EML4: variants seen among roughly 807,000 people sequenced by gnomAD.
EML4 encodes echinoderm microtubule-associated protein-like 4.
EML4 carries 72 observed loss-of-function variants against 129.0 expected under a neutral mutation model. The observed-to-expected ratio is 0.56, with a 90% CI of 0.46 to 0.68. The LOEUF (loss-of-function observed/expected upper bound fraction) is 0.68. EML4 is among the 30% of genes least tolerant of loss of function. The pLI, the probability that EML4 is intolerant of heterozygous loss-of-function variation, is 0.00. For synonymous variants in EML4, 532 were observed against 405.0 expected, an observed-to-expected ratio of 1.31 and a Z score of -3.77; for missense variants, 1,363 against 1,190.6, an observed-to-expected ratio of 1.14 and a Z score of -2.13.
At chr2:42,234,621 CACACTTGT>C (rs1420635602) in intron 1 of EML4, among the ~76,000 whole-genome samples, 1 of 152,212 alleles carries the variant, frequency 6.6e-6, no homozygotes, top group African/African-American at 2.4e-5. Flanking sequence ...CATTTGCCTA[CACACTTGT>C]ATAAAGTACT....
chr2:42,196,160 T>C (rs914038846), intron 1 of EML4, among the ~76,000 whole-genome samples: 1 of 152,216 alleles, frequency 6.6e-6, no homozygotes, highest in Non-Finnish European at 1.5e-5. Flanking sequence ...CTCTGAACCC[T>C]AGCGTTCATT....
intron 1 of EML4, among the ~76,000 whole-genome samples, chr2:42,202,010 G>A (rs1351727047): frequency 6.6e-6 from 1 of 152,060 alleles, no homozygotes; most frequent in Non-Finnish European, 1.5e-5. Flanking sequence ...TTGAACTCGG[G>A]GGGCAGAGGT....
In EML4 at chr2:42,177,070, C is replaced by T. The variant is rs528854959; in HGVS notation, c.25+7434C>T. On this transcript the variant is annotated intron_variant, in intron 1 of 22. Transcript: ENST00000318522. ...GGCCTCCCAGAGTGCTGGGGGATTG[C>T]AGGTACCATGCCTAAGCCAAATTAT... Among the ~76,000 whole-genome samples, 5 of 152,214 alleles carry T rather than the reference C, an allele frequency of 3.3e-5. No homozygotes were observed. In the East Asian group the frequency reaches 9.7e-4, roughly 29 times the overall value.
intron 7 of EML4, among the ~76,000 whole-genome samples, chr2:42,281,983 T>A (rs921042950): frequency 1.3e-5 from 2 of 152,212 alleles, no homozygotes; most frequent in Admixed American, 1.3e-4. Context: ...TAACAAACAT[T>A]CTGCCTACCA....
chr2:42,244,659 C>T (rs1205122975), intron 1 of EML4, among the ~76,000 whole-genome samples: 1 of 152,114 alleles, frequency 6.6e-6, no homozygotes, highest in Middle Eastern at 3.4e-3. Context: ...CATAGCAATA[C>T]CGAGTTCTGT....
chr2:42,301,918 C>A (rs1049250374), intron 14 of EML4, among the ~76,000 whole-genome samples: 43 of 152,084 alleles, frequency 2.8e-4, no homozygotes, highest in African/African-American at 4.1e-4. Context: ...AAAAGCTATA[C>A]AATCTAGTTC....
intron 1 of EML4, among the ~76,000 whole-genome samples, chr2:42,206,977 A>T (rs1438725487): frequency 6.6e-6 from 1 of 152,156 alleles, no homozygotes; most frequent in Non-Finnish European, 1.5e-5. Context: ...ATAGTTGCAT[A>T]TTGGCAGTTT....
chr2:42,172,724 T>G (rs1273013939), intron 1 of EML4, among the ~76,000 whole-genome samples: 1 of 152,084 alleles, frequency 6.6e-6, no homozygotes. Flanking sequence ...TCACTACATA[T>G]AGATACCCAT....
chr2:42,236,153 T>A (rs999270185), intron 1 of EML4, among the ~76,000 whole-genome samples: 10 of 152,230 alleles, frequency 6.6e-5, no homozygotes, highest in African/African-American at 2.2e-4. Flanking sequence ...TTCTAAACAT[T>A]GTATTATTTA....
intron 7 of EML4, 30 bp from the exon 8 acceptor site, chr2:42,282,793 A>G (rs1452470038): frequency 3.1e-6 from 5 of 1,597,560 alleles, no homozygotes; most frequent in Non-Finnish European, 4.3e-6. Flanking sequence ...AACTGTGTTT[A>G]TTTAAAACCT....
At chr2:42,292,557 G>A (rs1213160185) in intron 11 of EML4, among the ~76,000 whole-genome samples, 2 of 152,152 alleles carry the variant, frequency 1.3e-5, no homozygotes, top group African/African-American at 2.4e-5. Context: ...TGAATGAAAC[G>A]GAGAAAAATA....
intron 1 of EML4, among the ~76,000 whole-genome samples, chr2:42,205,901 A>G (rs1672510718): frequency 2.0e-5 from 3 of 152,022 alleles, no homozygotes; most frequent in Non-Finnish European, 4.4e-5. Flanking sequence ...GCCACTTTGG[A>G]ATTTTCTTCT....
chr2:42,239,428 T>TTG (rs1674876407), intron 1 of EML4, among the ~76,000 whole-genome samples: 1 of 152,226 alleles, frequency 6.6e-6, no homozygotes, highest in Non-Finnish European at 1.5e-5. Flanking sequence ...ATAGCTATCA[T>TTG]TGTATTCTTT....
In EML4 at chr2:42,241,008, G is replaced by T. The variant is rs182519649; in HGVS notation, c.26-4497G>T. 2.2e-3 allele frequency among the ~76,000 whole-genome samples: 332 copies of T among 152,240 alleles called. 1 individual carries two copies. Among genetic ancestry groups the T allele is most frequent in the Non-Finnish European group, 3.9e-3 (264 of 68,004 alleles). ...AAAAAATAAAAGTTAGCTGGGTGTGGTGGCATGCGCCTCTGTAATCTCCCA... is the reference window on the plus strand; with the variant it reads ...AAAAAATAAAAGTTAGCTGGGTGTGTTGGCATGCGCCTCTGTAATCTCCCA... On this transcript the variant is annotated intron_variant, in intron 1 of 22. Transcript: ENST00000318522.
chr2:42,250,353 A>G (rs773988384), intron 2 of EML4, among the ~76,000 whole-genome samples: 4 of 152,164 alleles, frequency 2.6e-5, no homozygotes, highest in African/African-American at 4.8e-5. Flanking sequence ...TCCTGGTCCA[A>G]ATAACATTTG....
intron 1 of EML4, among the ~76,000 whole-genome samples, chr2:42,183,058 G>A (rs1671040970): frequency 6.6e-6 from 1 of 152,184 alleles, no homozygotes; most frequent in South Asian, 2.1e-4. Flanking sequence ...AGGAGGCTGA[G>A]GTGGGGAGAT....
chr2:42,244,095 T>G (rs1675218751), intron 1 of EML4, among the ~76,000 whole-genome samples: 2 of 45,286 alleles, frequency 4.4e-5, no homozygotes, highest in Admixed American at 2.9e-4. Flanking sequence ...TTTGTTTTTG[T>G]TTTTTGTTTT....
chr2:42,321,084 G>T (rs1331323100), intron 19 of EML4, among the ~76,000 whole-genome samples: 1 of 151,994 alleles, frequency 6.6e-6, no homozygotes, highest in African/African-American at 2.4e-5. Flanking sequence ...TGACGGTTAA[G>T]AATTATGTGT....
rs115814802 is a variant in EML4, at chr2:42,253,808, T to G, written c.209-2693T>G. Among the ~76,000 whole-genome samples the G allele has an allele frequency of 6.5e-3, 993 of 152,294 alleles. 12 individuals carry two copies. The highest frequency in any genetic ancestry group is 0.02 in the African/African-American group (851 of 41,564). On this transcript the variant is annotated intron_variant, in intron 2 of 22. Coordinates refer to ENST00000318522, the MANE Select transcript of EML4 (RefSeq NM_019063.5). ...GCAAGATGGATCATAGACCTCAATG[T>G]AAGGGCTAAAACTTATGTAAGAAAG...
Sources: gnomAD v4.1 joint callset for allele counts (sites outside exome capture counted in the v4.1 genomes callset) on GRCh38, gnomAD v4.1.1 for gene constraint, MANE v1.5 for transcripts, NCBI Gene and HGNC (gene_info 2026-07-23, HGNC 2026-07-21) for gene names.